Variants in NDUFA9 observed in about 807,000 individuals in gnomAD.
NDUFA9 encodes NADH:ubiquinone oxidoreductase subunit A9.
NDUFA9 carries 23 observed loss-of-function variants against 45.9 expected under a neutral mutation model. The observed-to-expected ratio is 0.50, with a 90% CI of 0.36 to 0.71. The LOEUF (loss-of-function observed/expected upper bound fraction) is 0.71. Among genes scored for constraint, NDUFA9 ranks in the 30% least tolerant of loss-of-function variants. The probability of loss-of-function intolerance (pLI) is 0.00; values close to 1 mark genes in which losing one functional copy is unlikely to be tolerated. For missense variants in NDUFA9, 466 were observed against 488.2 expected (o/e 0.95, Z 0.43); for synonymous variants, 176 against 170.5 (o/e 1.03, Z -0.25).
intron 5 of NDUFA9, among the ~76,000 whole-genome samples, chr12:4,659,550 C>T (rs4147684): frequency 0.25 from 37,604 of 152,072 alleles, 4,842 homozygotes; most frequent in Middle Eastern, 0.39. Flanking sequence ...CCTTGCACTG[C>T]AGTGGTTTTG....
At chr12:4,657,549 T>G (rs1036109038) in intron 3 of NDUFA9, 199 bp from the exon 4 acceptor site, 10 of 547,118 alleles carry the variant, frequency 1.8e-5, no homozygotes, top group Non-Finnish European at 3.3e-5. Flanking sequence ...GTTACCTGTT[T>G]GTCTCGGAAA....
intron 7 of NDUFA9, 195 bp downstream of exon 7, chr12:4,668,719 A>G: frequency 1.7e-6 from 1 of 587,028 alleles, no homozygotes; most frequent in Non-Finnish European, 3.1e-6. Context: ...AGAAAAAGTT[A>G]TTGAACTCAT....
chr12:4,682,271 C>G lies in NDUFA9; in HGVS notation c.867C>G (p.Leu289=). 1 of 1,613,318 alleles carries G rather than the reference C, an allele frequency of 6.2e-7. No individual in the cohort carries two copies. Among genetic ancestry groups the G allele is most frequent in the Non-Finnish European group, 8.5e-7 (1 of 1,179,504 alleles). ...YIFAVAHRLF[L]PFPLPLFAYR... ...TTGCTGTGGCTCACAGATTGTTCCT[C>G]CCATTCCCCTTGCCGCTTTTTGCCT... The change falls in exon 9 of 11, where the codon CTC becomes CTG. Residue 289 remains leucine, a synonymous_variant. Transcript: ENST00000266544.
chr12:4,669,191 G>A (rs901979791), intron 7 of NDUFA9, among the ~76,000 whole-genome samples: 6 of 152,330 alleles, frequency 3.9e-5, no homozygotes, highest in African/African-American at 1.2e-4. Flanking sequence ...GCCACTAGAC[G>A]CCAGTCACAC....
chr12:4,667,936 A>G (rs546513804), intron 6 of NDUFA9, among the ~76,000 whole-genome samples: 1 of 152,340 alleles, frequency 6.6e-6, no homozygotes, highest in African/African-American at 2.4e-5. Flanking sequence ...CTAAGACATT[A>G]TCTCACCTTT....
intron 6 of NDUFA9, among the ~76,000 whole-genome samples, chr12:4,665,079 A>T (rs774566826): frequency 3.9e-4 from 60 of 152,154 alleles, no homozygotes; most frequent in Non-Finnish European, 4.4e-5. Flanking sequence ...TTTGGATGCG[A>T]CTTTGGAGTT....
intron 4 of NDUFA9, 41 bp from the exon 5 acceptor site, chr12:4,658,995 T>G: frequency 6.3e-7 from 1 of 1,577,232 alleles, no homozygotes; most frequent in Admixed American, 1.7e-5. Flanking sequence ...AGATCCTGTG[T>G]GTGGAGTTCT....
At chr12:4,665,241 T>C (rs7306593) in intron 6 of NDUFA9, among the ~76,000 whole-genome samples, 23,603 of 152,210 alleles carry the variant, frequency 0.16, 1,986 homozygotes, top group Middle Eastern at 0.21. Flanking sequence ...TAAACAACTC[T>C]CTGTTCCCTC....
chr12:4,665,776 A>G (rs900179598), intron 6 of NDUFA9, among the ~76,000 whole-genome samples: 16 of 147,882 alleles, frequency 1.1e-4, no homozygotes, highest in Admixed American at 1.0e-3. Flanking sequence ...TAGCCATCCT[A>G]ATAGTTCTAA....
chr12:4,676,932 G>A (rs1002152232), intron 8 of NDUFA9, among the ~76,000 whole-genome samples: 23 of 152,154 alleles, frequency 1.5e-4, no homozygotes, highest in Non-Finnish European at 2.9e-4. Flanking sequence ...AAAACAGCAC[G>A]GTACTGGTAC....
In NDUFA9 at chr12:4,657,842, A is replaced by G; in HGVS notation, c.410+3A>G. On this transcript the variant is annotated splice_donor_region_variant and intron_variant, in intron 4 of 10. Coordinates refer to ENST00000266544, the MANE Select transcript of NDUFA9 (RefSeq NM_005002.5). ...ATTGGACGAGACTGGGAAACCAAGT[A>G]AGTCTTTGACTCTTGTTTCTTCTTT... 2 of 1,607,002 alleles carry G rather than the reference A, an allele frequency of 1.2e-6. No individual in the cohort carries two copies. The highest frequency in any genetic ancestry group is 1.3e-5 in the African/African-American group (1 of 74,846).
intron 8 of NDUFA9, among the ~76,000 whole-genome samples, chr12:4,679,305 A>G (rs1336566693): frequency 2.6e-5 from 4 of 152,202 alleles, no homozygotes; most frequent in African/African-American, 9.6e-5. Context: ...AAAATATTCT[A>G]AAACTGGATT....
At chr12:4,666,984 C>G (rs1161349163) in intron 6 of NDUFA9, among the ~76,000 whole-genome samples, 4 of 152,114 alleles carry the variant, frequency 2.6e-5, no homozygotes, top group Admixed American at 2.0e-4. Context: ...TGACATATGT[C>G]TTAGTCCATT....
intron 5 of NDUFA9, among the ~76,000 whole-genome samples, chr12:4,659,807 T>G (rs1380868946): frequency 2.0e-5 from 3 of 152,188 alleles, no homozygotes. Context: ...GGAAGCCTGT[T>G]TGGAGTCATA....
intron 8 of NDUFA9, among the ~76,000 whole-genome samples, chr12:4,676,149 TAAG>T (rs1169150173): frequency 1.3e-5 from 2 of 152,118 alleles, no homozygotes; most frequent in African/African-American, 4.8e-5. Context: ...CTCAAAATAA[TAAG>T]AGCTATTTAT....
Position 4,689,287 on chromosome 12 carries a change from CTTTTATT to C in NDUFA9, c.*2198_*2204del, listed in dbSNP as rs142083320. 17,310 of 152,602 alleles carry C rather than the reference CTTTTATT, an allele frequency of 0.11. 1,008 individuals are homozygous for C. The highest frequency in any genetic ancestry group is 0.13 in the Middle Eastern group (38 of 298). The allele number at this position is 152,602 out of a possible 1,614,324, so 9.5% of individuals were successfully genotyped here. On this transcript the variant is annotated 3_prime_UTR_variant, in exon 11 of 11. Coordinates refer to ENST00000266544, the MANE Select transcript of NDUFA9 (RefSeq NM_005002.5). Reference sequence around the variant, plus strand: ...TATCATCTCAGGATGCTGTATATTTCTTTTATTTTTTATTTTTTATTTTTTTATTTTT... The same window carrying C: ...TATCATCTCAGGATGCTGTATATTTCTTTTATTTTTTATTTTTTTATTTTT...
chr12:4,668,636 C>G, intron 7 of NDUFA9, 112 bp downstream of exon 7: 1 of 947,648 alleles, frequency 1.1e-6, no homozygotes, highest in African/African-American at 1.6e-5. Flanking sequence ...TCTTTGTCAA[C>G]TTGTGTCAGC....
intron 5 of NDUFA9, 119 bp from the exon 6 acceptor site, chr12:4,662,414 C>T (rs946639431): frequency 5.3e-6 from 4 of 748,520 alleles, no homozygotes; most frequent in Non-Finnish European, 4.6e-6. Flanking sequence ...TACATGATTA[C>T]CTTTATCTGG....
intron 8 of NDUFA9, 105 bp downstream of exon 8, chr12:4,669,922 A>C: frequency 1.3e-6 from 1 of 798,018 alleles, no homozygotes. Flanking sequence ...ACAATATCAA[A>C]ATCTCCTCAT....
Sources: gnomAD v4.1 joint callset for allele counts (sites outside exome capture counted in the v4.1 genomes callset) on GRCh38, gnomAD v4.1.1 for gene constraint, MANE v1.5 for transcripts, NCBI Gene and HGNC (gene_info 2026-07-23, HGNC 2026-07-21) for gene names.